The following ZMYM2 variants were observed in gnomAD, a reference collection of about 807,000 sequenced individuals.
ZMYM2 encodes the protein zinc finger MYM-type protein 2.
In ZMYM2, 56 loss-of-function variants were observed where a neutral mutation model predicts 162.8. The observed-to-expected ratio is 0.34, with a 90% CI of 0.28 to 0.43. The LOEUF (loss-of-function observed/expected upper bound fraction) is 0.43, where lower values mean the gene tolerates loss of function less well. ZMYM2 is among the 20% of genes least tolerant of loss of function. The pLI is 1.00. For missense variants in ZMYM2, 1,275 were observed against 1,621.8 expected (o/e 0.79, Z 3.67); for synonymous variants, 510 against 541.6 (o/e 0.94, Z 0.81).
chr13:19,881,520 A>G, the ZMYM2 span, among the ~76,000 whole-genome samples: 1 of 151,212 alleles, frequency 6.6e-6, no homozygotes, highest in Admixed American at 6.6e-5. Context: ...TACTCGAGAG[A>G]CTGAGGTGGC....
intron 2 of ZMYM2, among the ~76,000 whole-genome samples, chr13:19,990,482 G>A (rs576069842): frequency 3.9e-5 from 6 of 152,198 alleles, no homozygotes; most frequent in South Asian, 2.1e-4. Context: ...TTATCATTTC[G>A]TATTTCAGTG....
Position 20,040,252 on chromosome 13 carries a change from A to C in ZMYM2, c.2292+3343A>C, listed in dbSNP as rs368717021. 9.9e-5 allele frequency among the ~76,000 whole-genome samples: 15 copies of C among 152,180 alleles called. No homozygotes were observed. The East Asian group carries it at 2.7e-3, about 27-fold the overall frequency. The stretch of plus-strand genomic sequence containing the variant: ...TTGGTTGGTAGGGTATTTATTACTG[A>C]TTCAATTTCGGAGCTCATTGTTGGT... On this transcript the variant is annotated intron_variant, in intron 12 of 24. Transcript: ENST00000610343.
intron 2 of ZMYM2, among the ~76,000 whole-genome samples, chr13:19,969,112 AC>A: frequency 6.6e-6 from 1 of 152,320 alleles, no homozygotes; most frequent in African/African-American, 2.4e-5. Flanking sequence ...CAGTGTTTAA[AC>A]TTTAAAATGT....
the ZMYM2 span, among the ~76,000 whole-genome samples, chr13:19,890,698 G>A: frequency 2.6e-5 from 4 of 151,208 alleles, no homozygotes; most frequent in African/African-American, 9.8e-5. Flanking sequence ...GTAAAACCCT[G>A]TCTCTACTAA....
intron 7 of ZMYM2, among the ~76,000 whole-genome samples, chr13:20,021,527 C>G (rs1279750932): frequency 1.3e-5 from 2 of 152,006 alleles, no homozygotes; most frequent in Middle Eastern, 3.2e-3. Flanking sequence ...TTATTTGGAT[C>G]CTTTTGAGGC....
the ZMYM2 span, among the ~76,000 whole-genome samples, chr13:19,876,753 CTT>C: frequency 9.8e-5 from 15 of 152,286 alleles, no homozygotes; most frequent in African/African-American, 3.4e-4. Context: ...ATTTTCAGAA[CTT>C]TTCTTATCTT....
At chr13:19,869,388 G>C in the ZMYM2 span, among the ~76,000 whole-genome samples, 14 of 152,242 alleles carry the variant, frequency 9.2e-5, no homozygotes, top group African/African-American at 3.4e-4. Context: ...TCAGTGTTAA[G>C]ATATTCTGAC....
the ZMYM2 span, among the ~76,000 whole-genome samples, chr13:19,894,826 C>G: frequency 4.0e-5 from 6 of 151,716 alleles, no homozygotes; most frequent in Non-Finnish European, 8.8e-5. Context: ...CGCAGTGGCT[C>G]ACGCCTGTAA....
chr13:19,922,382 A>G, the ZMYM2 span, among the ~76,000 whole-genome samples: 7 of 152,158 alleles, frequency 4.6e-5, no homozygotes, highest in African/African-American at 7.2e-5. Flanking sequence ...TATTTGGTTA[A>G]TTTATAACTA....
At chr13:19,987,757 A>G (rs1452683388) in intron 2 of ZMYM2, among the ~76,000 whole-genome samples, 2 of 152,002 alleles carry the variant, frequency 1.3e-5, no homozygotes, top group African/African-American at 2.4e-5. Context: ...CTAGGGTTAC[A>G]GGCGTGAGCC....
chr13:19,950,165 C>T, the ZMYM2 span, among the ~76,000 whole-genome samples: 1 of 151,644 alleles, frequency 6.6e-6, no homozygotes, highest in East Asian at 1.9e-4. Flanking sequence ...TGCCTGTGGT[C>T]CCAGCTACTT....
At chr13:19,977,336 T>G (rs959630893) in intron 2 of ZMYM2, among the ~76,000 whole-genome samples, 2 of 152,124 alleles carry the variant, frequency 1.3e-5, no homozygotes, top group African/African-American at 4.8e-5. Flanking sequence ...GTGAATCTTT[T>G]GTAGACAGCA....
At chr13:20,011,705 A>C (rs563783600) in intron 6 of ZMYM2, among the ~76,000 whole-genome samples, 1 of 150,402 alleles carries the variant, frequency 6.6e-6, no homozygotes, top group Non-Finnish European at 1.5e-5. Context: ...TCAGCCTCCC[A>C]AGTAGCTGGG....
At chr13:19,897,746 A>G in the ZMYM2 span, among the ~76,000 whole-genome samples, 21,275 of 151,952 alleles carry the variant, frequency 0.14, 1,847 homozygotes, top group African/African-American at 0.25. Context: ...TATTTATGAT[A>G]TGTGTATATA....
At chr13:19,967,257 G>A (rs1955871416) in intron 2 of ZMYM2, among the ~76,000 whole-genome samples, 1 of 152,114 alleles carries the variant, frequency 6.6e-6, no homozygotes, top group Admixed American at 6.5e-5. Flanking sequence ...CCAAATTACA[G>A]TAAACTCGTG....
intron 21 of ZMYM2, among the ~76,000 whole-genome samples, chr13:20,071,350 G>A (rs259783): frequency 0.1 from 15,598 of 152,278 alleles, 1,303 homozygotes; most frequent in African/African-American, 0.22. Flanking sequence ...GACAAAATGC[G>A]TAAACAACAA....
chr13:19,908,603 A>G, the ZMYM2 span, among the ~76,000 whole-genome samples: 1 of 152,184 alleles, frequency 6.6e-6, no homozygotes, highest in East Asian at 1.9e-4. Context: ...AGTATTACCT[A>G]ATAGTTGCTG....
At chr13:19,884,589 G>A in the ZMYM2 span, among the ~76,000 whole-genome samples, 3 of 151,894 alleles carry the variant, frequency 2.0e-5, no homozygotes, top group African/African-American at 4.8e-5. Context: ...GAAAAAAAAA[G>A]CCGTGGTCCT....
the ZMYM2 span, among the ~76,000 whole-genome samples, chr13:19,903,483 C>CA: frequency 2.0e-3 from 168 of 83,714 alleles, 1 homozygote; most frequent in South Asian, 5.5e-3. Context: ...ACTAAAAATA[C>CA]AAAAAAAAAA....
Sources: gnomAD v4.1 joint callset for allele counts (sites outside exome capture counted in the v4.1 genomes callset) on GRCh38, gnomAD v4.1.1 for gene constraint, MANE v1.5 for transcripts, NCBI Gene and HGNC (gene_info 2026-07-23, HGNC 2026-07-21) for gene names.